Variants in PDGFD observed in about 807,000 individuals in gnomAD.
The protein encoded by PDGFD is platelet-derived growth factor D.
PDGFD carries 30 observed loss-of-function variants against 44.7 expected under a neutral mutation model. The observed-to-expected ratio is 0.67, with a 90% CI of 0.50 to 0.91. The LOEUF (loss-of-function observed/expected upper bound fraction) is 0.91. PDGFD is among the 40% of genes least tolerant of loss of function. The probability of loss-of-function intolerance (pLI) is 0.00; values close to 1 mark genes in which losing one functional copy is unlikely to be tolerated. For missense variants in PDGFD, 445 were observed against 457.8 expected (o/e 0.97, Z 0.25); for synonymous variants, 173 against 168.4 (o/e 1.03, Z -0.21).
At chr11:103,926,624 C>G (rs1169254439) in intron 6 of PDGFD, among the ~76,000 whole-genome samples, 1 of 152,152 alleles carries the variant, frequency 6.6e-6, no homozygotes, top group Non-Finnish European at 1.5e-5. Flanking sequence ...AGGTCAAGCT[C>G]TGAAATTACT....
chr11:104,011,473 T>C (rs911393332), intron 1 of PDGFD, among the ~76,000 whole-genome samples: 1 of 152,122 alleles, frequency 6.6e-6, no homozygotes, highest in African/African-American at 2.4e-5. Context: ...AGTCATTGCA[T>C]TCCAAAGTAA....
At chr11:103,993,097 TCTCA>T (rs1859483688) in intron 3 of PDGFD, among the ~76,000 whole-genome samples, 1 of 152,116 alleles carries the variant, frequency 6.6e-6, no homozygotes, top group Non-Finnish European at 1.5e-5. Flanking sequence ...TTAGACAGGG[TCTCA>T]CTCTGACACA....
rs764260959 is a variant in PDGFD at position 103,996,150 on chromosome 11, G to A, written c.425C>T (p.Ser142Leu). 2.5e-6 allele frequency: 4 copies of A among 1,613,598 alleles called. No homozygotes were observed. The East Asian group carries it at 8.9e-5, about 36-fold the overall frequency. ...TGTGATTTTAATTTGGTTCGTTCTT[G>A]ATTTTATCCTTGGAGGAACTTCCTT... Reference protein sequence around the residue: ...GHKEVPPRIKSRTNQIKITFK... With the variant: ...GHKEVPPRIKLRTNQIKITFK... The change falls in exon 3 of 7, where the codon TCA (serine) becomes TTA (leucine). Residue 142 changes from serine to leucine, a missense_variant. Physicochemically the swap from Ser to Leu is moderately radical, Grantham distance 145. Coordinates refer to ENST00000393158, the MANE Select transcript of PDGFD (RefSeq NM_025208.5).
Position 104,021,174 on chromosome 11 carries a change from C to T in PDGFD, c.125-20919G>A, listed in dbSNP as rs1054445354. Among the ~76,000 whole-genome samples, 4 of 152,142 alleles carry T rather than the reference C, an allele frequency of 2.6e-5. No homozygotes were observed. The East Asian group carries it at 5.8e-4, about 22-fold the overall frequency. On this transcript the variant is annotated intron_variant, in intron 1 of 6. Transcript: ENST00000393158. The stretch of plus-strand genomic sequence containing the variant: ...ATCCCATCTGAGCTGCAGTGGTCTA[C>T]GGAAAACTAGGAATGGATTGATTAT...
intron 1 of PDGFD, among the ~76,000 whole-genome samples, chr11:104,111,262 CT>C (rs373944945): frequency 0.021 from 2,563 of 119,604 alleles, 58 homozygotes; most frequent in African/African-American, 0.065. Flanking sequence ...ATTATTAATT[CT>C]TTTTTTTTTT....
At chr11:104,142,305 A>G (rs1427158471) in intron 1 of PDGFD, among the ~76,000 whole-genome samples, 1 of 152,148 alleles carries the variant, frequency 6.6e-6, no homozygotes, top group African/African-American at 2.4e-5. Context: ...ATGTATTTAT[A>G]AAAGTAAATA....
At chr11:103,965,714 TTGATC>T (rs571518651) in intron 3 of PDGFD, among the ~76,000 whole-genome samples, 1 of 152,204 alleles carries the variant, frequency 6.6e-6, no homozygotes, top group Non-Finnish European at 1.5e-5. Context: ...CATGGTAGAC[TTGATC>T]TGAATGTGCA....
intron 1 of PDGFD, among the ~76,000 whole-genome samples, chr11:104,079,483 G>C (rs534799825): frequency 1.3e-5 from 2 of 152,256 alleles, no homozygotes; most frequent in Non-Finnish European, 2.9e-5. Context: ...CGGCTCCCGG[G>C]TTCAAGTGAT....
At chr11:103,916,879 T>C (rs1329365482) in intron 6 of PDGFD, among the ~76,000 whole-genome samples, 2 of 151,968 alleles carry the variant, frequency 1.3e-5, no homozygotes, top group East Asian at 3.9e-4. Flanking sequence ...TAAGTGGGAG[T>C]TGAACAATGA....
intron 1 of PDGFD, among the ~76,000 whole-genome samples, chr11:104,050,541 C>G (rs1188035832): frequency 1.3e-5 from 2 of 152,172 alleles, no homozygotes; most frequent in Admixed American, 6.5e-5. Context: ...AGTTTTGCCA[C>G]TTCCTGGACA....
chr11:104,032,822 C>T (rs1860150109), intron 1 of PDGFD, among the ~76,000 whole-genome samples: 1 of 151,696 alleles, frequency 6.6e-6, no homozygotes. Flanking sequence ...TGAGTGATAG[C>T]CTGGAGACTC....
At chr11:104,059,728 T>G (rs1445847180) in intron 1 of PDGFD, among the ~76,000 whole-genome samples, 2 of 152,222 alleles carry the variant, frequency 1.3e-5, no homozygotes, top group African/African-American at 4.8e-5. Flanking sequence ...TCTGCTGTTG[T>G]TGATTCACCA....
chr11:104,112,425 T>A (rs1275882450), intron 1 of PDGFD, among the ~76,000 whole-genome samples: 1 of 152,078 alleles, frequency 6.6e-6, no homozygotes, highest in Non-Finnish European at 1.5e-5. Context: ...TCACTGTTGG[T>A]GGGAGTGTAA....
At chr11:104,144,666 T>C (rs1862138687) in intron 1 of PDGFD, among the ~76,000 whole-genome samples, 1 of 152,192 alleles carries the variant, frequency 6.6e-6, no homozygotes, top group South Asian at 2.1e-4. Flanking sequence ...TTACTGAAGC[T>C]GGCAATTGTC....
At chr11:103,939,189 A>G (rs1858542299) in intron 5 of PDGFD, among the ~76,000 whole-genome samples, 1 of 152,190 alleles carries the variant, frequency 6.6e-6, no homozygotes, top group African/African-American at 2.4e-5. Context: ...ACCCATGAGC[A>G]TGGAATGTTC....
chr11:104,155,399 C>G (rs1056894493), intron 1 of PDGFD, among the ~76,000 whole-genome samples: 2 of 152,150 alleles, frequency 1.3e-5, no homozygotes, highest in African/African-American at 4.8e-5. Context: ...TAATAAGAAG[C>G]CTCAGCCAGC....
At chr11:104,086,900 C>A (rs361279) in intron 1 of PDGFD, among the ~76,000 whole-genome samples, 71,859 of 151,918 alleles carry the variant, frequency 0.47, 18,909 homozygotes, top group African/African-American at 0.72. Flanking sequence ...TTAGAGTCTA[C>A]GTCTTTCAAG....
At position 103,919,379 on chromosome 11, in the gene PDGFD, T is replaced by TA. The variant is rs552720425; in HGVS notation, c.987+7532dup. Among the ~76,000 whole-genome samples, 4 of 151,928 alleles carry TA rather than the reference T, an allele frequency of 2.6e-5. No homozygotes were observed. The South Asian group carries it at 8.3e-4, about 32-fold the overall frequency. On this transcript the variant is annotated intron_variant, in intron 6 of 6. Coordinates refer to ENST00000393158, the MANE Select transcript of PDGFD (RefSeq NM_025208.5). ...GTCTGGTTCTTGTTTATTGAGAATA[T>TA]AAAAAAAGGCTGTTAAGGCCTTGTA...
intron 1 of PDGFD, among the ~76,000 whole-genome samples, chr11:104,159,907 T>A (rs545294710): frequency 1.1e-4 from 16 of 152,320 alleles, no homozygotes; most frequent in African/African-American, 3.8e-4. Flanking sequence ...AATGATATTA[T>A]CCATGGTGGC....
Sources: allele counts gnomAD v4.1 joint callset (sites outside exome capture counted in the v4.1 genomes callset), GRCh38; gene constraint gnomAD v4.1.1; transcripts MANE v1.5; gene names NCBI Gene and HGNC (gene_info 2026-07-23, HGNC 2026-07-21).